DNAH17: variants seen among roughly 807,000 people sequenced by gnomAD.
The protein encoded by DNAH17 is dynein axonemal heavy chain 17.
DNAH17 carries 376 observed loss-of-function variants against 485.6 expected under a neutral mutation model. The ratio of observed to expected loss-of-function variants is 0.77; its 90% CI spans 0.71 to 0.84. DNAH17 has a LOEUF of 0.84. DNAH17 is among the 40% of genes least tolerant of loss of function. The pLI, the probability that DNAH17 is intolerant of heterozygous loss-of-function variation, is 0.00. For synonymous variants in DNAH17, 3,031 were observed against 2,405.9 expected, an observed-to-expected ratio of 1.26 and a Z score of -7.60; for missense variants, 6,370 against 5,839.3, an observed-to-expected ratio of 1.09 and a Z score of -2.96.
Position 78,462,884 on chromosome 17 carries a change from A to T in DNAH17, c.9134T>A (p.Leu3045Gln). 6.2e-7 allele frequency: 1 copy of T among 1,613,976 alleles called. No individual in the cohort carries two copies. The highest frequency in any genetic ancestry group is 8.5e-7 in the Non-Finnish European group (1 of 1,179,882). The part of the protein sequence containing the change: ...RTELVAKIER[L>Q]ENGLMKLQST... ...CTGCAGCTTCATCAGGCCGTTCTCC[A>T]GCCTCTCGATTTTGGCAACAAGTTC... is the stretch of plus-strand genomic sequence containing the variant. The change falls in exon 57 of 81, where the codon CTG (leucine) becomes CAG (glutamine). Residue 3045 changes from leucine to glutamine, a missense_variant. By Grantham distance (113) the Leu-to-Gln change is moderately radical (BLOSUM62 -2). Coordinates refer to ENST00000389840, the MANE Select transcript of DNAH17 (RefSeq NM_173628.4).
intron 72 of DNAH17, among the ~76,000 whole-genome samples, chr17:78,439,862 G>A (rs1300847192): frequency 1.3e-5 from 2 of 151,882 alleles, no homozygotes; most frequent in South Asian, 2.1e-4. Context: ...TAGAGATGGG[G>A]TTTCATCATG....
Position 78,501,271 on chromosome 17 carries a change from A to C in DNAH17, c.5396T>G (p.Phe1799Cys). Residue 1799 changes from phenylalanine to cysteine, a missense_variant, in exon 35 of 81, where the codon TTT becomes TGT. By Grantham distance (205) the Phe-to-Cys change is radical (BLOSUM62 -2). Transcript: ENST00000389840. ...GATTTGGGCATCGCAGATGTTGGCA[A>C]AGCAGTGTCGCTTCTCTTCGTCCCA... ...HRWDEEKRHCFANICDAQIQY... is the reference protein window; with the variant it reads ...HRWDEEKRHCCANICDAQIQY... The C allele has an allele frequency of 6.2e-7, 1 of 1,609,274 alleles. No individual in the cohort carries two copies. The highest frequency in any genetic ancestry group is 1.3e-5 in the African/African-American group (1 of 74,988).
At chr17:78,505,236 C>A in intron 31 of DNAH17, 57 bp downstream of exon 31, 1 of 1,602,994 alleles carries the variant, frequency 6.2e-7, no homozygotes, top group East Asian at 2.2e-5. Flanking sequence ...GCGTGTGGCC[C>A]ACACGCGTGC....
chr17:78,450,186 G>A, intron 68 of DNAH17, 68 bp downstream of exon 68: 1 of 1,580,382 alleles, frequency 6.3e-7, no homozygotes, highest in Non-Finnish European at 8.7e-7. Flanking sequence ...TGGGCAACAG[G>A]CCTGGCTGTG....
intron 77 of DNAH17, among the ~76,000 whole-genome samples, chr17:78,427,396 G>A (rs986070613): frequency 2.6e-5 from 4 of 152,186 alleles, no homozygotes; most frequent in African/African-American, 7.2e-5. Flanking sequence ...TCATTCCCAC[G>A]CACCAGCCTC....
chr17:78,510,700 C>T, intron 26 of DNAH17, 194 bp from the exon 27 acceptor site: 1 of 668,216 alleles, frequency 1.5e-6, no homozygotes. Context: ...CACCTTCCTT[C>T]CCTGTAAAAC....
rs576704697 is a variant in DNAH17 at position 78,522,688 on chromosome 17, A to G, written c.3864+2321T>C. 5.7e-5 allele frequency: 12 copies of G among 208,734 alleles called. No individual in the cohort carries two copies. The East Asian group carries it at 9.8e-4, about 17-fold the overall frequency. 12.9% of individuals were successfully genotyped at this position (208,734 alleles called of 1,614,324 possible). A position where few individuals can be genotyped will look rare whatever the true frequency, so the allele number is the denominator to read the frequency against. ...AATGCTGAGCATGCACGGAAATTCC[A>G]AAGTTCAGAGAATGCAAAAAAGACA... is the stretch of plus-strand genomic sequence containing the variant. On this transcript the variant is annotated intron_variant, in intron 25 of 80. Transcript: ENST00000389840.
intron 54 of DNAH17, among the ~76,000 whole-genome samples, chr17:78,472,050 A>G (rs1226058904): frequency 6.6e-6 from 1 of 152,092 alleles, no homozygotes; most frequent in Admixed American, 6.6e-5. Flanking sequence ...TCAGCCAAGG[A>G]CGGCAATCGT....
chr17:78,446,457 G>C (rs533040083), intron 69 of DNAH17, among the ~76,000 whole-genome samples: 1 of 152,082 alleles, frequency 6.6e-6, no homozygotes, highest in Admixed American at 6.6e-5. Context: ...CACTTAGCGT[G>C]ATGCTTCTGA....
At chr17:78,503,466 T>A (rs1440557623) in intron 31 of DNAH17, among the ~76,000 whole-genome samples, 1 of 151,302 alleles carries the variant, frequency 6.6e-6, no homozygotes, top group Non-Finnish European at 1.5e-5. Context: ...ATTACAGGCA[T>A]GAGCCACCAC....
chr17:78,501,969 C>A, intron 33 of DNAH17, 96 bp from the exon 34 acceptor site: 1 of 1,530,416 alleles, frequency 6.5e-7, no homozygotes, highest in Middle Eastern at 1.7e-4. Context: ...GGGAACACCA[C>A]CATGCTTTTG....
intron 53 of DNAH17, 30 bp downstream of exon 53, chr17:78,475,639 T>A (rs773239582): frequency 8.1e-6 from 13 of 1,611,856 alleles, no homozygotes; most frequent in African/African-American, 2.7e-5. Flanking sequence ...CCAGGTCCCG[T>A]GCCCTTGCTA....
At chr17:78,472,679 T>TGGACCCCAGCC (rs2088819580) in intron 54 of DNAH17, 4 of 451,108 alleles carry the variant, frequency 8.9e-6, no homozygotes, top group Non-Finnish European at 1.8e-5. Flanking sequence ...TTTCGGATCC[T>TGGACCCCAGCC]GGACCCCAGC....
Position 78,458,349 on chromosome 17 carries a change from G to C in DNAH17, c.9977+216C>G. On this transcript the variant is annotated intron_variant, in intron 62 of 80. Coordinates refer to ENST00000389840, the MANE Select transcript of DNAH17 (RefSeq NM_173628.4). The stretch of plus-strand genomic sequence containing the variant: ...GACCCAGTGTCCCAGGCCAGTGTGG[G>C]TTACTTGGAACCACGCGACAGGGCA... The C allele has an allele frequency of 5.2e-6, 3 of 574,972 alleles. No individual in the cohort carries two copies. In the South Asian group the frequency reaches 6.1e-5, roughly 12 times the overall value. 35.6% of individuals were successfully genotyped at this position (574,972 alleles called of 1,614,324 possible).
chr17:78,461,728 G>GA lies in DNAH17; in HGVS notation c.9175-21dup, dbSNP rs753880031. 2 of 1,602,582 alleles carry GA rather than the reference G, an allele frequency of 1.2e-6. No homozygotes were observed. Among genetic ancestry groups the GA allele is most frequent in the South Asian group, 2.2e-5 (2 of 89,152 alleles). On this transcript the variant is annotated intron_variant, in intron 57 of 80. Transcript: ENST00000389840. Reference sequence around the variant, plus strand: ...ATCCACCTGGGGAAGGAGAAACCGAGAAACAGCAAGTGTGGGCCGCAGCCG... The same window carrying GA: ...ATCCACCTGGGGAAGGAGAAACCGAGAAAACAGCAAGTGTGGGCCGCAGCCG...
At chr17:78,567,232 C>T in intron 9 of DNAH17, 66 bp from the exon 10 acceptor site, 2 of 1,528,788 alleles carry the variant, frequency 1.3e-6, no homozygotes, top group East Asian at 2.4e-5. Flanking sequence ...AGTTACAAAA[C>T]TAGCTCTGAC....
At chr17:78,492,890 C>T (rs574895764) in intron 41 of DNAH17, 125 bp from the exon 42 acceptor site, 12 of 836,674 alleles carry the variant, frequency 1.4e-5, no homozygotes, top group East Asian at 8.0e-5. Context: ...TCACTCTTGT[C>T]ACCGAGGCTG....
chr17:78,564,387 C>A (rs147442973), intron 11 of DNAH17, among the ~76,000 whole-genome samples: 1 of 152,110 alleles, frequency 6.6e-6, no homozygotes, highest in Non-Finnish European at 1.5e-5. Context: ...TTTTCCACAT[C>A]GGAACAGCAG....
rs749444687 is a variant in DNAH17, at chr17:78,490,776, G to A, written c.6741C>T (p.His2247=). 7 of 1,605,498 alleles carry A rather than the reference G, an allele frequency of 4.4e-6. No homozygotes were observed. The African/African-American group carries it at 8.0e-5, about 18-fold the overall frequency. ...RTMRLVFEIS[H]LRTATPATVS... is the part of the protein sequence containing the mutation. ...CGGTGGCTGGGGTGGCCGTCCTCAG[G>A]TGGCTGATTTCGAACACCAGCCTCA... The change falls in exon 44 of 81, where the codon CAC becomes CAT. Residue 2247 remains histidine, a synonymous_variant. Coordinates refer to ENST00000389840, the MANE Select transcript of DNAH17 (RefSeq NM_173628.4).
Sources: allele counts gnomAD v4.1 joint callset (sites outside exome capture counted in the v4.1 genomes callset), GRCh38; gene constraint gnomAD v4.1.1; transcripts MANE v1.5; gene names NCBI Gene and HGNC (gene_info 2026-07-23, HGNC 2026-07-21).